Variants in KXD1 observed in about 807,000 individuals in gnomAD.
KXD1 encodes the protein KxDL motif containing 1, also known as kxDL motif-containing protein 1.
In KXD1, 5 loss-of-function variants were observed where a neutral mutation model predicts 12.1. The observed-to-expected ratio is 0.41, with a 90% CI of 0.22 to 0.87. The LOEUF is 0.87. Ranked by LOEUF, KXD1 falls within the 40% of genes least tolerant of loss-of-function variation. The probability of loss-of-function intolerance (pLI) is 0.31; values close to 1 mark genes in which losing one functional copy is unlikely to be tolerated. For synonymous variants in KXD1, 98 were observed against 100.5 expected, an observed-to-expected ratio of 0.98 and a Z score of 0.15; for missense variants, 193 against 244.9, an observed-to-expected ratio of 0.79 and a Z score of 1.41.
chr19:18,562,953 A>G (rs896848000), intron 2 of KXD1, among the ~76,000 whole-genome samples: 1 of 152,256 alleles, frequency 6.6e-6, no homozygotes. Flanking sequence ...AAGAAAGGCT[A>G]ATACCAAGCT....
intron 2 of KXD1, among the ~76,000 whole-genome samples, chr19:18,564,076 G>A (rs555934237): frequency 6.6e-6 from 1 of 152,068 alleles, no homozygotes; most frequent in African/African-American, 2.4e-5. Flanking sequence ...TGGTAGAGAC[G>A]CGGTTTTCCC....
chr19:18,563,385 C>T (rs7252850), intron 2 of KXD1, among the ~76,000 whole-genome samples: 18,702 of 147,536 alleles, frequency 0.13, 2,914 homozygotes, highest in African/African-American at 0.38. Context: ...CTCACTCTGT[C>T]GCCCAGGCTG....
intron 2 of KXD1, among the ~76,000 whole-genome samples, chr19:18,564,345 G>A (rs565553261): frequency 6.6e-6 from 1 of 152,208 alleles, no homozygotes; most frequent in Non-Finnish European, 1.5e-5. Context: ...GATTGGGCCA[G>A]GCACGATGGC....
intron 4 of KXD1, among the ~76,000 whole-genome samples, chr19:18,567,498 G>A (rs1975308446): frequency 6.6e-6 from 1 of 152,178 alleles, no homozygotes; most frequent in African/African-American, 2.4e-5. Flanking sequence ...CACCAGCCCC[G>A]ACATCGTCTC....
chr19:18,560,712 T>G (rs1974889129), intron 1 of KXD1, among the ~76,000 whole-genome samples: 1 of 88,724 alleles, frequency 1.1e-5, no homozygotes, highest in Non-Finnish European at 2.3e-5. Flanking sequence ...CCTCTACTCC[T>G]TCTTTTTTTT....
At chr19:18,562,658 C>T (rs772217859) in intron 2 of KXD1, among the ~76,000 whole-genome samples, 7 of 152,240 alleles carry the variant, frequency 4.6e-5, no homozygotes, top group Non-Finnish European at 1.0e-4. Context: ...GACGGGCTTT[C>T]ATCATGTTGG....
At chr19:18,568,292 T>A in intron 4 of KXD1, 110 bp from the exon 5 acceptor site, 4 of 708,500 alleles carry the variant, frequency 5.6e-6, no homozygotes, top group Non-Finnish European at 9.7e-6. Context: ...AAGGGTCAAG[T>A]CATACCCCCA....
intron 4 of KXD1, 119 bp from the exon 5 acceptor site, chr19:18,568,283 A>T: frequency 6.0e-6 from 4 of 665,888 alleles, no homozygotes; most frequent in Non-Finnish European, 1.0e-5. Context: ...AAAAAAAAAA[A>T]GGGTCAAGTC....
At chr19:18,562,581 C>T (rs896585201) in intron 2 of KXD1, among the ~76,000 whole-genome samples, 5 of 152,240 alleles carry the variant, frequency 3.3e-5, no homozygotes, top group African/African-American at 1.2e-4. Context: ...CCTGCCTCAG[C>T]CCTCTGAGTA....
chr19:18,562,506 G>A (rs961405878), intron 2 of KXD1, among the ~76,000 whole-genome samples: 2 of 152,230 alleles, frequency 1.3e-5, no homozygotes, highest in Non-Finnish European at 2.9e-5. Context: ...TGTTGCCCAG[G>A]CTAGAGTGCA....
chr19:18,558,329 C>T (rs551973431), intron 1 of KXD1: 2 of 152,226 alleles, frequency 1.3e-5, no homozygotes, highest in East Asian at 3.9e-4. Context: ...GATATAGAAC[C>T]GTGGTGCTTC....
At chr19:18,563,193 G>A (rs1975011373) in intron 2 of KXD1, among the ~76,000 whole-genome samples, 1 of 152,110 alleles carries the variant, frequency 6.6e-6, no homozygotes, top group South Asian at 2.1e-4. Flanking sequence ...GTCTTGGAGT[G>A]GAAGCACAGC....
At chr19:18,563,258 G>A (rs1173904854) in intron 2 of KXD1, among the ~76,000 whole-genome samples, 4 of 151,466 alleles carry the variant, frequency 2.6e-5, no homozygotes, top group African/African-American at 7.3e-5. Context: ...CAGCTGTCAC[G>A]ACACAGTACA....
chr19:18,559,863 CCCTTTCTTTCTCTTT>C (rs1197633112), intron 1 of KXD1: 2 of 151,962 alleles, frequency 1.3e-5, no homozygotes, highest in African/African-American at 2.4e-5. Context: ...AGCTCTGAAA[CCCTTTCTTTCTCTTT>C]CCTTTCTTTC....
intron 1 of KXD1, chr19:18,559,601 G>A (rs969302411): frequency 6.6e-6 from 1 of 152,156 alleles, no homozygotes; most frequent in African/African-American, 2.4e-5. Context: ...GAAATCAGCT[G>A]CTGTAAGAAG....
At chr19:18,565,044 G>GGTC (rs10692700) in intron 3 of KXD1, 23 bp downstream of exon 3, 1 of 1,596,760 alleles carries the variant, frequency 6.3e-7, no homozygotes, top group South Asian at 1.1e-5. Context: ...TGCCACCCCA[G>GGTC]CCCAGCTGAC....
intron 1 of KXD1, chr19:18,559,371 A>G (rs1366725765): frequency 6.6e-6 from 1 of 152,114 alleles, no homozygotes; most frequent in African/African-American, 2.4e-5. Flanking sequence ...TTCAATAACC[A>G]TAGTTATTAT....
intron 2 of KXD1, among the ~76,000 whole-genome samples, chr19:18,564,394 G>C (rs1291786870): frequency 1.3e-5 from 2 of 151,992 alleles, no homozygotes; most frequent in Non-Finnish European, 2.9e-5. Flanking sequence ...GGCCGAGGTG[G>C]GTGGATCACG....
chr19:18,567,527 C>A (rs1975310544), intron 4 of KXD1, among the ~76,000 whole-genome samples: 1 of 152,224 alleles, frequency 6.6e-6, no homozygotes, highest in Admixed American at 6.5e-5. Context: ...TGAGCCCCAG[C>A]TTCGAGGATC....
Sources: allele counts gnomAD v4.1 joint callset (sites outside exome capture counted in the v4.1 genomes callset), GRCh38; gene constraint gnomAD v4.1.1; transcripts MANE v1.5; gene names NCBI Gene and HGNC (gene_info 2026-07-23, HGNC 2026-07-21).